The following PARD3B variants were observed in gnomAD, a reference collection of about 807,000 sequenced individuals.
The protein encoded by PARD3B is partitioning defective 3 homolog B.
PARD3B carries 103 observed loss-of-function variants against 130.2 expected under a neutral mutation model. The ratio of observed to expected loss-of-function variants is 0.79; its 90% confidence interval spans 0.67 to 0.93. The LOEUF (loss-of-function observed/expected upper bound fraction) is 0.93. Among genes scored for constraint, PARD3B ranks in the 40% least tolerant of loss-of-function variants. The pLI, the probability that PARD3B is intolerant of heterozygous loss-of-function variation, is 0.00. For missense variants in PARD3B, 1,609 were observed against 1,499.2 expected (o/e 1.07, Z -1.21); for synonymous variants, 583 against 553.2 (o/e 1.05, Z -0.76).
At chr2:205,464,766 T>C (rs2106237474) in intron 20 of PARD3B, among the ~76,000 whole-genome samples, 1 of 152,278 alleles carries the variant, frequency 6.6e-6, no homozygotes, top group East Asian at 1.9e-4. Context: ...GTTTAAAAGT[T>C]CCCTAGGAAT....
intron 15 of PARD3B, among the ~76,000 whole-genome samples, chr2:205,226,802 A>G (rs2038576365): frequency 6.6e-6 from 1 of 152,056 alleles, no homozygotes; most frequent in South Asian, 2.1e-4. Flanking sequence ...TGATTCCTCT[A>G]GTTTTGTTCA....
chr2:205,110,627 G>GT (rs1176825585), intron 5 of PARD3B, among the ~76,000 whole-genome samples: 17 of 110,670 alleles, frequency 1.5e-4, no homozygotes, highest in African/African-American at 4.8e-4. Context: ...TTTATTTTCT[G>GT]TTTTTTGTTT....
chr2:204,794,894 C>T (rs1409261029), intron 2 of PARD3B, among the ~76,000 whole-genome samples: 1 of 152,122 alleles, frequency 6.6e-6, no homozygotes, highest in Non-Finnish European at 1.5e-5. Flanking sequence ...GCTGTTTCCT[C>T]TCTCTAGATA....
At chr2:205,607,879 CAG>C (rs1553560830) in intron 22 of PARD3B, among the ~76,000 whole-genome samples, 89 of 147,546 alleles carry the variant, frequency 6.0e-4, no homozygotes, top group African/African-American at 1.2e-3. Flanking sequence ...CACACACACA[CAG>C]AGGCATGAAG....
intron 1 of PARD3B, among the ~76,000 whole-genome samples, chr2:204,581,378 C>T (rs1330679252): frequency 1.3e-5 from 2 of 152,198 alleles, no homozygotes; most frequent in African/African-American, 2.4e-5. Context: ...AAAGCCTTGC[C>T]GTGTTCTTGT....
intron 21 of PARD3B, among the ~76,000 whole-genome samples, chr2:205,500,831 G>A (rs2050132055): frequency 6.6e-6 from 1 of 152,156 alleles, no homozygotes; most frequent in African/African-American, 2.4e-5. Flanking sequence ...GCTGAACATG[G>A]TAATAGCAGT....
chr2:205,007,377 A>G (rs1420287323), intron 3 of PARD3B, among the ~76,000 whole-genome samples: 2 of 152,296 alleles, frequency 1.3e-5, no homozygotes, highest in East Asian at 3.9e-4. Context: ...AGGATGAGAG[A>G]TGGCGATCCA....
chr2:205,089,249 C>T (rs568668354), intron 4 of PARD3B, among the ~76,000 whole-genome samples: 6 of 151,330 alleles, frequency 4.0e-5, no homozygotes, highest in South Asian at 2.1e-4. Context: ...TGGCTCACTG[C>T]GACCTCCGCC....
intron 15 of PARD3B, among the ~76,000 whole-genome samples, chr2:205,203,427 T>C (rs969978753): frequency 6.6e-6 from 1 of 152,154 alleles, no homozygotes; most frequent in Admixed American, 6.5e-5. Flanking sequence ...CTTTTTACTT[T>C]TTATTTTTTT....
At chr2:204,858,635 C>T (rs527556735) in intron 2 of PARD3B, among the ~76,000 whole-genome samples, 7 of 150,938 alleles carry the variant, frequency 4.6e-5, no homozygotes, top group South Asian at 2.1e-4. Context: ...ATTGTATTTA[C>T]GATTTTTGCT....
chr2:204,925,003 A>T (rs1309343782), intron 2 of PARD3B, among the ~76,000 whole-genome samples: 1 of 152,078 alleles, frequency 6.6e-6, no homozygotes, highest in Non-Finnish European at 1.5e-5. Flanking sequence ...ACATGTATAC[A>T]TATGCATATA....
At chr2:204,737,836 A>C (rs2125355378) in intron 2 of PARD3B, among the ~76,000 whole-genome samples, 1 of 152,248 alleles carries the variant, frequency 6.6e-6, no homozygotes, top group East Asian at 1.9e-4. Flanking sequence ...TCCATTCCCC[A>C]ATTCATGTTT....
chr2:205,278,802 G>A (rs2041056052), intron 16 of PARD3B, among the ~76,000 whole-genome samples: 1 of 151,994 alleles, frequency 6.6e-6, no homozygotes, highest in Non-Finnish European at 1.5e-5. Flanking sequence ...GAGCGCTGTG[G>A]CTCACACGTG....
chr2:204,596,740 C>T (rs1192356680), intron 1 of PARD3B, among the ~76,000 whole-genome samples: 1 of 152,082 alleles, frequency 6.6e-6, no homozygotes, highest in Admixed American at 6.6e-5. Context: ...ACCAGCCTGA[C>T]CAACATGGAG....
At chr2:205,353,382 A>G (rs993654347) in intron 18 of PARD3B, among the ~76,000 whole-genome samples, 2 of 152,160 alleles carry the variant, frequency 1.3e-5, no homozygotes, top group Non-Finnish European at 2.9e-5. Context: ...TATGCTATCT[A>G]CTTAGCTAAT....
rs193122654 is a variant in PARD3B, at chr2:204,823,641, A to C, written c.222+137359A>C. On this transcript the variant is annotated intron_variant, in intron 2 of 22. Transcript: ENST00000406610. Reference sequence around the variant, plus strand: ...TTCCTTATTAATATCAGAAAAATATAGAACTACATTGGGGGTGGCTGGGCA... The same window carrying C: ...TTCCTTATTAATATCAGAAAAATATCGAACTACATTGGGGGTGGCTGGGCA... Among the ~76,000 whole-genome samples, 38 of 152,264 alleles carry C rather than the reference A, an allele frequency of 2.5e-4. No homozygotes were observed. The East Asian group carries it at 7.3e-3, about 29-fold the overall frequency.
chr2:204,696,269 GAAA>G, intron 2 of PARD3B, among the ~76,000 whole-genome samples: 3 of 151,944 alleles, frequency 2.0e-5, no homozygotes, highest in Middle Eastern at 6.8e-3. Context: ...TTTAACGGAA[GAAA>G]AAAACGGAAA....
intron 16 of PARD3B, among the ~76,000 whole-genome samples, chr2:205,290,434 G>C (rs1295405950): frequency 6.6e-6 from 1 of 152,176 alleles, no homozygotes; most frequent in Admixed American, 6.5e-5. Flanking sequence ...GCCTTGCCAA[G>C]TCAATAGGAT....
At chr2:205,289,865 CAGAGAGTCCCCACCAGCA>C (rs139423004) in intron 16 of PARD3B, among the ~76,000 whole-genome samples, 5 of 124,858 alleles carry the variant, frequency 4.0e-5, no homozygotes, top group African/African-American at 8.8e-5. Context: ...TGGGACTCTG[CAGAGAGTCCCCACCAGCA>C]AGAAGGCCCT....
Sources: gnomAD v4.1 joint callset for allele counts (sites outside exome capture counted in the v4.1 genomes callset) on GRCh38, gnomAD v4.1.1 for gene constraint, MANE v1.5 for transcripts, NCBI Gene and HGNC (gene_info 2026-07-23, HGNC 2026-07-21) for gene names.